The following MAP7 variants were observed in gnomAD, a reference collection of about 807,000 sequenced individuals.
MAP7 encodes the protein microtubule associated protein 7.
Under a neutral mutation model 94.8 loss-of-function variants are expected in MAP7, and 52 were observed. The observed-to-expected ratio is 0.55, with a 90% CI of 0.44 to 0.69. MAP7 has a LOEUF of 0.69. Ranked by LOEUF, MAP7 falls within the 30% of genes least tolerant of loss-of-function variation. The probability of loss-of-function intolerance (pLI) is 0.00; values close to 1 mark genes in which losing one functional copy is unlikely to be tolerated. For synonymous variants in MAP7, 350 were observed against 357.0 expected, an observed-to-expected ratio of 0.98 and a Z score of 0.22; for missense variants, 940 against 964.6, an observed-to-expected ratio of 0.97 and a Z score of 0.34.
At chr6:136,449,701 A>G (rs1312606942) in intron 1 of MAP7, among the ~76,000 whole-genome samples, 1 of 152,242 alleles carries the variant, frequency 6.6e-6, no homozygotes, top group East Asian at 1.9e-4. Context: ...GTAAGGAGTC[A>G]GCTTTAGGCT....
chr6:136,446,925 A>T (rs1799539792), intron 1 of MAP7, among the ~76,000 whole-genome samples: 1 of 152,202 alleles, frequency 6.6e-6, no homozygotes, highest in African/African-American at 2.4e-5. Context: ...AAAAAATTTA[A>T]GCATTTATAC....
intron 8 of MAP7, 37 bp from the exon 9 acceptor site, chr6:136,366,476 C>G (rs755853951): frequency 7.1e-7 from 1 of 1,402,070 alleles, no homozygotes; most frequent in Non-Finnish European, 1.0e-6. Context: ...GATTTTTCCA[C>G]AAGCGAGGCA....
intron 1 of MAP7, among the ~76,000 whole-genome samples, chr6:136,543,506 C>T (rs1342061832): frequency 3.3e-5 from 5 of 152,042 alleles, no homozygotes; most frequent in Non-Finnish European, 5.9e-5. Flanking sequence ...CAAAATTAGC[C>T]GGGCATGGTG....
intron 3 of MAP7, among the ~76,000 whole-genome samples, chr6:136,398,595 A>C (rs1264119359): frequency 1.3e-5 from 2 of 152,172 alleles, no homozygotes; most frequent in Non-Finnish European, 2.9e-5. Flanking sequence ...GTAGTGAATA[A>C]GTCTCAAGAG....
At chr6:136,435,170 A>T (rs891078907) in intron 1 of MAP7, among the ~76,000 whole-genome samples, 2 of 152,190 alleles carry the variant, frequency 1.3e-5, no homozygotes, top group African/African-American at 4.8e-5. Flanking sequence ...AGAAGCCAGA[A>T]GGAGGTTGAG....
chr6:136,502,655 G>A (rs974601678), intron 1 of MAP7, among the ~76,000 whole-genome samples: 1 of 152,124 alleles, frequency 6.6e-6, no homozygotes, highest in African/African-American at 2.4e-5. Flanking sequence ...ATTTTGTAGG[G>A]GCTGATGGGT....
intron 1 of MAP7, among the ~76,000 whole-genome samples, chr6:136,462,626 G>A (rs904928387): frequency 3.9e-5 from 6 of 152,064 alleles, no homozygotes; most frequent in Admixed American, 6.6e-5. Context: ...TATACTTTGA[G>A]GTCTCAGGAG....
In MAP7 at chr6:136,365,855, G is replaced by T. The variant is rs777956137; in HGVS notation, c.1153C>A (p.Pro385Thr). 28 of 1,614,054 alleles carry T rather than the reference G, an allele frequency of 1.7e-5. No homozygotes were observed. The highest frequency in any genetic ancestry group is 4.0e-5 in the African/African-American group (3 of 74,906). The part of the protein sequence containing the change: ...EVKVEPEKKD[P>T]EKEPQKVANE... ...GCAACTTTCTGAGGTTCCTTCTCAG[G>T]ATCTTTCTTCTCAGGCTCCACTTTG... Residue 385 changes from proline (P) to threonine (T), a missense_variant, in exon 10 of 18, where the codon CCT becomes ACT. Coordinates refer to ENST00000354570, the MANE Select transcript of MAP7 (RefSeq NM_003980.6).
chr6:136,372,628 G>A lies in MAP7; in HGVS notation c.752-3C>T. Reference sequence around the variant, plus strand: ...CATGATGATGGGGCTGCAAGATGCTGAACGAGGACAAATGGGGATAACTAG... The same window carrying A: ...CATGATGATGGGGCTGCAAGATGCTAAACGAGGACAAATGGGGATAACTAG... On this transcript the variant is annotated splice_polypyrimidine_tract_variant and splice_region_variant and intron_variant, in intron 7 of 17. Coordinates refer to ENST00000354570, the MANE Select transcript of MAP7 (RefSeq NM_003980.6). 6.2e-7 allele frequency: 1 copy of A among 1,614,180 alleles called. No homozygotes were observed. Among genetic ancestry groups the A allele is most frequent in the South Asian group, 1.1e-5 (1 of 91,084 alleles).
At chr6:136,510,526 G>C (rs984583162) in intron 1 of MAP7, among the ~76,000 whole-genome samples, 2 of 152,060 alleles carry the variant, frequency 1.3e-5, no homozygotes, top group Non-Finnish European at 2.9e-5. Context: ...GTGGTGGAGA[G>C]GATGAAGGTT....
chr6:136,423,514 A>G (rs934172512), intron 1 of MAP7, among the ~76,000 whole-genome samples: 1 of 152,066 alleles, frequency 6.6e-6, no homozygotes, highest in Non-Finnish European at 1.5e-5. Context: ...AAGTGGCAGG[A>G]AGGTCTGGGT....
chr6:136,522,705 C>T (rs1471042074), intron 1 of MAP7, among the ~76,000 whole-genome samples: 1 of 152,192 alleles, frequency 6.6e-6, no homozygotes, highest in Non-Finnish European at 1.5e-5. Context: ...TGTATGTCAT[C>T]TTGCTATGAT....
chr6:136,487,881 A>G (rs1815269452), intron 1 of MAP7, among the ~76,000 whole-genome samples: 1 of 152,208 alleles, frequency 6.6e-6, no homozygotes, highest in African/African-American at 2.4e-5. Context: ...GACCATTAAC[A>G]TGGACACGCA....
intron 11 of MAP7, among the ~76,000 whole-genome samples, 179 bp downstream of exon 11, chr6:136,362,271 G>A (rs972975463): frequency 1.3e-5 from 2 of 152,110 alleles, no homozygotes; most frequent in African/African-American, 4.8e-5. Flanking sequence ...AAAAAAAGAA[G>A]AAGATGTGAT....
Position 136,459,742 on chromosome 6 carries a change from C to T in MAP7, c.68-37943G>A, listed in dbSNP as rs192087574. Among the ~76,000 whole-genome samples the T allele has an allele frequency of 7.2e-5, 11 of 152,060 alleles. No individual in the cohort carries two copies. In the East Asian group the frequency reaches 1.9e-3, roughly 27 times the overall value. ...ATAAAATGGTGGTTGCCATGGGCCA[C>T]GGGGAGGAGAAAATGCGGAGTTGCT... is the stretch of plus-strand genomic sequence containing the variant. On this transcript the variant is annotated intron_variant, in intron 1 of 17. Transcript: ENST00000354570.
intron 16 of MAP7, among the ~76,000 whole-genome samples, chr6:136,347,484 C>T (rs1210056220): frequency 3.3e-5 from 5 of 152,152 alleles, no homozygotes; most frequent in Non-Finnish European, 7.3e-5. Context: ...CAGCTCACTC[C>T]AACTTCTGCC....
chr6:136,487,480 G>GTT (rs1815143138), intron 1 of MAP7, among the ~76,000 whole-genome samples: 1 of 152,126 alleles, frequency 6.6e-6, no homozygotes. Context: ...GGAGACCAAG[G>GTT]TGGAAGGACT....
intron 12 of MAP7, 80 bp from the exon 13 acceptor site, chr6:136,360,878 G>A (rs1007135625): frequency 3.9e-5 from 61 of 1,564,858 alleles, no homozygotes; most frequent in Non-Finnish European, 5.3e-5. Flanking sequence ...AGAGGTGGGG[G>A]CGAGGTGGCG....
intron 1 of MAP7, among the ~76,000 whole-genome samples, chr6:136,498,323 G>A (rs1818876497): frequency 6.6e-6 from 1 of 151,972 alleles, no homozygotes; most frequent in African/African-American, 2.4e-5. Flanking sequence ...AGGAGTAGAG[G>A]GAATAGGGCC....
Sources: allele counts gnomAD v4.1 joint callset (sites outside exome capture counted in the v4.1 genomes callset), GRCh38; gene constraint gnomAD v4.1.1; transcripts MANE v1.5; gene names NCBI Gene and HGNC (gene_info 2026-07-23, HGNC 2026-07-21).